Variants in REV3L observed in about 807,000 individuals in gnomAD.
The protein encoded by REV3L is DNA polymerase zeta catalytic subunit.
In REV3L, 69 loss-of-function variants were observed where a neutral mutation model predicts 299.4. That is an observed-to-expected ratio of 0.23 (90% confidence interval 0.19 to 0.28). REV3L has a LOEUF of 0.28. Ranked by LOEUF, REV3L falls within the 10% of genes least tolerant of loss-of-function variation. REV3L has a pLI of 1.00. For synonymous variants in REV3L, 1,238 were observed against 1,271.4 expected, an observed-to-expected ratio of 0.97 and a Z score of 0.56; for missense variants, 3,128 against 3,693.8, an observed-to-expected ratio of 0.85 and a Z score of 3.97.
chr6:111,338,776 T>A (rs1353870997), intron 21 of REV3L, among the ~76,000 whole-genome samples: 1 of 152,138 alleles, frequency 6.6e-6, no homozygotes, highest in Non-Finnish European at 1.5e-5. Flanking sequence ...AATAAATGGA[T>A]ATAATAGTAT....
intron 1 of REV3L, 60 bp from the exon 2 acceptor site, chr6:111,416,532 A>G (rs1784783225): frequency 7.6e-7 from 1 of 1,314,458 alleles, no homozygotes; most frequent in Non-Finnish European, 1.1e-6. Flanking sequence ...TACAAAACTC[A>G]GAATGAAACT....
intron 25 of REV3L, among the ~76,000 whole-genome samples, chr6:111,328,084 C>T (rs1775022801): frequency 1.3e-5 from 2 of 152,108 alleles, no homozygotes; most frequent in South Asian, 4.1e-4. Context: ...ATTACCCTGT[C>T]ACACTATATT....
At chr6:111,357,195 A>G in intron 17 of REV3L, 70 bp from the exon 18 acceptor site, 1 of 497,464 alleles carries the variant, frequency 2.0e-6, no homozygotes, top group Non-Finnish European at 3.2e-6. Flanking sequence ...TATAAAAGTA[A>G]TATTATCCTC....
At chr6:111,362,725 T>G (rs1370953245) in intron 16 of REV3L, among the ~76,000 whole-genome samples, 1 of 152,232 alleles carries the variant, frequency 6.6e-6, no homozygotes, top group East Asian at 1.9e-4. Flanking sequence ...TATATCTCAC[T>G]GTGCACGCTA....
chr6:111,392,294 A>C (rs1053536440), intron 5 of REV3L, among the ~76,000 whole-genome samples: 1 of 152,206 alleles, frequency 6.6e-6, no homozygotes, highest in African/African-American at 2.4e-5. Context: ...TTTCAGAATT[A>C]AAAATTAGCA....
Position 111,392,905 on chromosome 6 carries a change from T to A in REV3L, c.633A>T (p.Leu211Phe), listed in dbSNP as rs1371600905. ...GTATTTCATCTTGTTCCCACCGAAA[T>A]AAAGTATCAGCAAGAGAATTTCCTG... Reference protein sequence around the residue: ...HLSGNSLADTLFRWEQDEIPS... With the variant: ...HLSGNSLADTFFRWEQDEIPS... Residue 211 changes from leucine to phenylalanine, a missense_variant, in exon 5 of 32, where the codon TTA (leucine) becomes TTT (phenylalanine). This residue lies in a region of REV3L where 2,409 missense variants were observed against 2,611.8 expected (regional missense o/e 0.92). Coordinates refer to ENST00000368802, the MANE Select transcript of REV3L (RefSeq NM_001372078.1). 7 of 1,612,582 alleles carry A rather than the reference T, an allele frequency of 4.3e-6. No homozygotes were observed. The highest frequency in any genetic ancestry group is 5.9e-6 in the Non-Finnish European group (7 of 1,178,772).
At chr6:111,439,224 G>A (rs1787951763) in intron 1 of REV3L, among the ~76,000 whole-genome samples, 1 of 152,136 alleles carries the variant, frequency 6.6e-6, no homozygotes, top group Non-Finnish European at 1.5e-5. Context: ...AATGACGTCA[G>A]ACAAAAAGCA....
At position 111,348,706 on chromosome 6, in the gene REV3L, G is replaced by A. The variant is rs1012124190; in HGVS notation, c.7419+512C>T. On this transcript the variant is annotated intron_variant, in intron 20 of 31. Transcript: ENST00000368802. ...ACTCTGTCACCCAGGCTTGAGTGCA[G>A]TGGCACAATCACAGCTCACCGCAAC... Among the ~76,000 whole-genome samples, 3 of 152,198 alleles carry A rather than the reference G, an allele frequency of 2.0e-5. No individual in the cohort carries two copies. In the East Asian group the frequency reaches 5.8e-4, roughly 29 times the overall value.
At chr6:111,317,650 A>G (rs1373721275) in intron 26 of REV3L, among the ~76,000 whole-genome samples, 2 of 152,038 alleles carry the variant, frequency 1.3e-5, no homozygotes, top group Admixed American at 1.3e-4. Flanking sequence ...GCTTTCTGTT[A>G]TATAGGTTTT....
At chr6:111,314,797 C>T (rs190316615) in intron 27 of REV3L, among the ~76,000 whole-genome samples, 2 of 150,990 alleles carry the variant, frequency 1.3e-5, no homozygotes, top group African/African-American at 2.4e-5. Flanking sequence ...TACATATATA[C>T]ATTACTAAAC....
Position 111,329,525 on chromosome 6 carries a change from CACTT to C in REV3L, c.8241+3_8241+6del. On this transcript the variant is annotated splice_donor_5th_base_variant and intron_variant, in intron 25 of 31. Coordinates refer to ENST00000368802, the MANE Select transcript of REV3L (RefSeq NM_001372078.1). ...TTTTGAAAAAACTACAGATTTGTATCACTTACCTCAATGCATGGCATTCTCCCAG... is the reference window on the plus strand; with the variant it reads ...TTTTGAAAAAACTACAGATTTGTATCACCTCAATGCATGGCATTCTCCCAG... 6.2e-7 allele frequency: 1 copy of C among 1,613,370 alleles called. No homozygotes were observed. Among genetic ancestry groups the C allele is most frequent in the Non-Finnish European group, 8.5e-7 (1 of 1,179,400 alleles).
chr6:111,395,863 T>C (rs1303241561), intron 4 of REV3L, among the ~76,000 whole-genome samples: 1 of 152,188 alleles, frequency 6.6e-6, no homozygotes, highest in Non-Finnish European at 1.5e-5. Context: ...GTATGATCCT[T>C]CTATGATTAA....
intron 26 of REV3L, among the ~76,000 whole-genome samples, chr6:111,321,431 TC>T (rs1240625486): frequency 6.6e-6 from 1 of 152,220 alleles, no homozygotes; most frequent in Non-Finnish European, 1.5e-5. Context: ...TTTAAGGAGT[TC>T]TGCTAACAAG....
At chr6:111,471,402 A>C (rs1488227907) in intron 1 of REV3L, among the ~76,000 whole-genome samples, 2 of 152,240 alleles carry the variant, frequency 1.3e-5, no homozygotes, top group Non-Finnish European at 2.9e-5. Context: ...AATGTAAAAA[A>C]TCTCATACCA....
intron 26 of REV3L, among the ~76,000 whole-genome samples, chr6:111,321,103 A>G (rs1320284728): frequency 6.6e-6 from 1 of 151,588 alleles, no homozygotes; most frequent in African/African-American, 2.5e-5. Flanking sequence ...ATATCAATTT[A>G]TGGCTCTTTA....
Position 111,373,029 on chromosome 6 carries a change from T to C in REV3L, c.5326A>G (p.Arg1776Gly). ...TTGCTTACTGAACTCCTATTCAATCTAGATTTTTCACTTAGACAGTCTTCT... is the reference window on the plus strand; with the variant it reads ...TTGCTTACTGAACTCCTATTCAATCCAGATTTTTCACTTAGACAGTCTTCT... ...QAEDCLSEKS[R>G]LNRSSVSKEV... is the part of the protein sequence containing the mutation. Residue 1776 changes from arginine to glycine, a missense_variant, in exon 13 of 32, where the codon AGA (arginine) becomes GGA (glycine). This residue lies in a region of REV3L where 2,409 missense variants were observed against 2,611.8 expected (regional missense o/e 0.92). Transcript: ENST00000368802. The C allele has an allele frequency of 6.2e-7, 1 of 1,614,176 alleles. No individual in the cohort carries two copies. Among genetic ancestry groups the C allele is most frequent in the Non-Finnish European group, 8.5e-7 (1 of 1,180,008 alleles).
intron 25 of REV3L, among the ~76,000 whole-genome samples, chr6:111,329,008 C>T (rs2114816554): frequency 6.6e-6 from 1 of 152,298 alleles, no homozygotes; most frequent in South Asian, 2.1e-4. Flanking sequence ...CTCAAGTAAT[C>T]CACATGCCTT....
At chr6:111,440,979 CATAGA>C (rs1274528464) in intron 1 of REV3L, among the ~76,000 whole-genome samples, 2 of 152,184 alleles carry the variant, frequency 1.3e-5, no homozygotes, top group Non-Finnish European at 2.9e-5. Flanking sequence ...GCTTTCTTCA[CATAGA>C]AGTAAGGTGG....
At chr6:111,445,130 T>C (rs966538364) in intron 1 of REV3L, among the ~76,000 whole-genome samples, 2 of 152,200 alleles carry the variant, frequency 1.3e-5, no homozygotes, top group Non-Finnish European at 2.9e-5. Flanking sequence ...ACAAAAACTT[T>C]TGGGGTCCAC....
Sources: allele counts gnomAD v4.1 joint callset (sites outside exome capture counted in the v4.1 genomes callset), GRCh38; gene constraint gnomAD v4.1.1; regional missense constraint gnomAD v4.1.1; transcripts MANE v1.5; gene names NCBI Gene and HGNC (gene_info 2026-07-23, HGNC 2026-07-21).